NSUN7: variants seen among roughly 807,000 people sequenced by gnomAD.
The protein encoded by NSUN7 is NOP2/Sun RNA methyltransferase family member 7, also known as protein NSUN7.
A neutral mutation model predicts 58.5 loss-of-function variants in NSUN7; 39 were observed. The observed-to-expected ratio is 0.67, with a 90% confidence interval of 0.52 to 0.87. The LOEUF (loss-of-function observed/expected upper bound fraction) is 0.87. Among genes scored for constraint, NSUN7 ranks in the 40% least tolerant of loss-of-function variants. The pLI, the probability that NSUN7 is intolerant of heterozygous loss-of-function variation, is 0.00. For missense variants in NSUN7, 765 were observed against 844.1 expected, an observed-to-expected ratio of 0.91 and a Z score of 1.16; for synonymous variants, 278 against 303.7, an observed-to-expected ratio of 0.92 and a Z score of 0.88.
intron 7 of NSUN7, among the ~76,000 whole-genome samples, chr4:40,780,571 C>T (rs1459702252): frequency 3.3e-5 from 5 of 149,890 alleles, no homozygotes; most frequent in East Asian, 2.0e-4. Context: ...TATGCCACTG[C>T]GCTCTAACCT....
chr4:40,805,723 C>T (rs544609638), intron 10 of NSUN7, among the ~76,000 whole-genome samples: 53 of 152,212 alleles, frequency 3.5e-4, no homozygotes, highest in Non-Finnish European at 6.2e-4. Context: ...AGGTGCTGGC[C>T]GGTTGGATTC....
chr4:40,799,916 G>A (rs1743507051), intron 10 of NSUN7, among the ~76,000 whole-genome samples: 1 of 151,594 alleles, frequency 6.6e-6, no homozygotes. Flanking sequence ...AATTTTTTTT[G>A]TTCCCCATTG....
At chr4:40,797,717 C>T (rs1462357053) in intron 9 of NSUN7, among the ~76,000 whole-genome samples, 1 of 152,184 alleles carries the variant, frequency 6.6e-6, no homozygotes, top group Non-Finnish European at 1.5e-5. Flanking sequence ...AGCCTCTGCC[C>T]CTGCCCTCTG....
chr4:40,796,113 A>T (rs929355945), intron 9 of NSUN7, among the ~76,000 whole-genome samples: 7 of 152,126 alleles, frequency 4.6e-5, no homozygotes, highest in African/African-American at 1.7e-4. Context: ...CATGCCTGTA[A>T]TCCCAGTACT....
Position 40,809,235 on chromosome 4 carries a change from T to TA in NSUN7, c.*299dup. On this transcript the variant is annotated 3_prime_UTR_variant, in exon 12 of 12. Transcript: ENST00000381782. ...CTCCTGTGAACTTTCAGGCTGGACT[T>TA]AAAGCTGCCAAGTTTCCCCTGCAGG... 1 of 254,026 alleles carries TA rather than the reference T, an allele frequency of 3.9e-6. No homozygotes were observed. The highest frequency in any genetic ancestry group is 7.5e-6 in the Non-Finnish European group (1 of 133,746). The allele number at this position is 254,026 out of a possible 1,614,324, so 15.7% of individuals were successfully genotyped here.
Position 40,774,951 on chromosome 4 carries a change from G to T in NSUN7, c.825+1G>T. On this transcript the variant is annotated splice_donor_variant, in intron 6 of 11. Transcript: ENST00000381782. LOFTEE classifies it high-confidence loss of function. ...CAAAGATTACAAACTTATATTTCAG[G>T]TAAACTAATATTTACTTTCATTGTG... The T allele has an allele frequency of 9.3e-7, 1 of 1,073,878 alleles. No individual in the cohort carries two copies. The highest frequency in any genetic ancestry group is 1.4e-6 in the Non-Finnish European group (1 of 715,166). 66.5% of individuals were successfully genotyped at this position (1,073,878 alleles called of 1,614,324 possible).
At chr4:40,786,582 TTCA>T in intron 7 of NSUN7, 1 of 1,613,286 alleles carries the variant, frequency 6.2e-7, no homozygotes, top group Non-Finnish European at 8.5e-7. Flanking sequence ...GTGACCTGAG[TTCA>T]TCAACTCCTT....
chr4:40,755,217 G>A (rs1224490338), intron 2 of NSUN7, among the ~76,000 whole-genome samples: 1 of 152,120 alleles, frequency 6.6e-6, no homozygotes, highest in African/African-American at 2.4e-5. Context: ...AGCCTCCCTA[G>A]TAGCTAGGAC....
intron 7 of NSUN7, among the ~76,000 whole-genome samples, chr4:40,790,298 C>A (rs1577575607): frequency 6.6e-6 from 1 of 152,108 alleles, no homozygotes; most frequent in East Asian, 1.9e-4. Context: ...AGCTGGGAGT[C>A]AACTTGAATT....
chr4:40,803,033 G>A (rs962633263), intron 10 of NSUN7, among the ~76,000 whole-genome samples: 6 of 146,174 alleles, frequency 4.1e-5, no homozygotes, highest in African/African-American at 7.6e-5. Flanking sequence ...GAGAACACGT[G>A]GTGTTTGGTT....
At chr4:40,762,406 G>C (rs898021075) in intron 4 of NSUN7, among the ~76,000 whole-genome samples, 5 of 152,134 alleles carry the variant, frequency 3.3e-5, no homozygotes, top group African/African-American at 1.2e-4. Flanking sequence ...TTGTCACTGT[G>C]ATGTCTAATT....
intron 9 of NSUN7, among the ~76,000 whole-genome samples, chr4:40,794,958 T>C (rs1245884095): frequency 6.6e-6 from 1 of 152,214 alleles, no homozygotes; most frequent in Non-Finnish European, 1.5e-5. Context: ...AGGCGGCACT[T>C]TGAGTGATTT....
Position 40,776,134 on chromosome 4 carries a change from G to A in NSUN7, c.911G>A (p.Trp304Ter). The A allele has an allele frequency of 6.2e-7, 1 of 1,607,758 alleles. No individual in the cohort carries two copies. The highest frequency in any genetic ancestry group is 8.5e-7 in the Non-Finnish European group (1 of 1,174,802). The change falls in exon 7 of 12, where the codon TGG becomes TAG. Residue 304 changes from tryptophan to a stop codon, truncating the protein, a stop_gained. Coordinates refer to ENST00000381782, the MANE Select transcript of NSUN7 (RefSeq NM_024677.6). LOFTEE classifies it high-confidence loss of function. ...DDVLMVNTGS[W>*]YTVSHMSILT... ...GTCTTAATGGTCAATACAGGCTCAT[G>A]GTACACAGTTTCCCACATGTCAATT... is the stretch of plus-strand genomic sequence containing the variant.
At chr4:40,767,328 A>G (rs1577552576) in intron 4 of NSUN7, among the ~76,000 whole-genome samples, 1 of 152,078 alleles carries the variant, frequency 6.6e-6, no homozygotes, top group Admixed American at 6.6e-5. Flanking sequence ...TTCTGCCTTC[A>G]TTTCGTTATG....
rs1296864557 is a variant in NSUN7 at position 40,810,678 on chromosome 4, T to A, written c.*1739T>A. 2.0e-5 allele frequency: 3 copies of A among 152,068 alleles called. No individual in the cohort carries two copies. Among genetic ancestry groups the A allele is most frequent in the African/African-American group, 4.8e-5 (2 of 41,496 alleles). The allele number at this position is 152,068 out of a possible 1,614,324, so 9.4% of individuals were successfully genotyped here. A position where few individuals can be genotyped will look rare whatever the true frequency, so the allele number is the denominator to read the frequency against. ...GTATTTTAAATCCCTGAAGAAGAAT[T>A]CTTCATGTTATCACTCTTGTACAGA... On this transcript the variant is annotated 3_prime_UTR_variant, in exon 12 of 12. Coordinates refer to ENST00000381782, the MANE Select transcript of NSUN7 (RefSeq NM_024677.6).
chr4:40,804,539 A>G (rs78659956), intron 10 of NSUN7, among the ~76,000 whole-genome samples: 2,089 of 152,244 alleles, frequency 0.014, 27 homozygotes, highest in Non-Finnish European at 0.023. Context: ...ACATTTTAAC[A>G]TGGTAGTGAA....
chr4:40,767,294 G>A (rs991253447), intron 4 of NSUN7, among the ~76,000 whole-genome samples: 3 of 152,044 alleles, frequency 2.0e-5, no homozygotes, highest in Admixed American at 6.6e-5. Context: ...CTTTGTTCTC[G>A]CCAGTTTCAA....
chr4:40,769,078 A>G (rs1741874581), intron 4 of NSUN7, among the ~76,000 whole-genome samples: 1 of 152,160 alleles, frequency 6.6e-6, no homozygotes, highest in African/African-American at 2.4e-5. Context: ...ATCTGTGTCT[A>G]ATGCATCAAG....
In NSUN7 at chr4:40,808,848, G is replaced by A; in HGVS notation, c.2066G>A (p.Cys689Tyr). 6.5e-7 allele frequency: 1 copy of A among 1,549,006 alleles called. No individual in the cohort carries two copies. Among genetic ancestry groups the A allele is most frequent in the Non-Finnish European group, 8.7e-7 (1 of 1,146,696 alleles). Reference protein sequence around the residue: ...WVAPKALVPTCLPTHSLSRKE... With the variant: ...WVAPKALVPTYLPTHSLSRKE... ...GCACCCAAGGCACTTGTGCCCACCT[G>A]CCTTCCCACACACTCACTATCCAGA... The change falls in exon 12 of 12, where the codon TGC becomes TAC. Residue 689 changes from cysteine to tyrosine, a missense_variant. Transcript: ENST00000381782.
Sources: gnomAD v4.1 joint callset for allele counts (sites outside exome capture counted in the v4.1 genomes callset) on GRCh38, gnomAD v4.1.1 for gene constraint, MANE v1.5 for transcripts, NCBI Gene and HGNC (gene_info 2026-07-23, HGNC 2026-07-21) for gene names.